The following CSMD1 variants were observed in gnomAD, a reference collection of about 807,000 sequenced individuals.
CSMD1 encodes the protein CUB and Sushi multiple domains 1.
A neutral mutation model predicts 417.5 loss-of-function variants in CSMD1; 213 were observed. The ratio of observed to expected loss-of-function variants is 0.51; its 90% CI spans 0.46 to 0.57. The LOEUF is 0.57. CSMD1 is among the 20% of genes least tolerant of loss of function. CSMD1 has a pLI of 0.00. For missense variants in CSMD1, 6,923 were observed against 4,529.7 expected, an observed-to-expected ratio of 1.53 and a Z score of -15.17; for synonymous variants, 2,862 against 1,736.8, an observed-to-expected ratio of 1.65 and a Z score of -16.11.
At chr8:3,400,716 A>C (rs1266822411) in intron 15 of CSMD1, among the ~76,000 whole-genome samples, 1 of 151,874 alleles carries the variant, frequency 6.6e-6, no homozygotes, top group East Asian at 1.9e-4. Context: ...TAAAAGAAAA[A>C]TTTTATTCAG....
chr8:3,744,670 C>T (rs2129051360), intron 6 of CSMD1, among the ~76,000 whole-genome samples: 1 of 152,240 alleles, frequency 6.6e-6, no homozygotes, highest in Non-Finnish European at 1.5e-5. Context: ...ACAAGCGATG[C>T]CTACAGACAG....
chr8:3,485,150 G>A (rs950714929), intron 11 of CSMD1, among the ~76,000 whole-genome samples: 17 of 152,108 alleles, frequency 1.1e-4, no homozygotes, highest in Non-Finnish European at 2.2e-4. Context: ...TCAAATACTA[G>A]AAGCAATCCA....
At chr8:3,527,740 G>C (rs566117078) in intron 10 of CSMD1, among the ~76,000 whole-genome samples, 1 of 152,256 alleles carries the variant, frequency 6.6e-6, no homozygotes, top group South Asian at 2.1e-4. Flanking sequence ...GTGAAACGAA[G>C]ACAGGACTTC....
At chr8:4,518,753 C>G (rs1803264658) in intron 2 of CSMD1, among the ~76,000 whole-genome samples, 1 of 150,886 alleles carries the variant, frequency 6.6e-6, no homozygotes, top group African/African-American at 2.4e-5. Flanking sequence ...TACCCTAAAA[C>G]TTAAATTATA....
intron 26 of CSMD1, chr8:3,279,023 T>A (rs1802524428): frequency 6.6e-6 from 1 of 152,110 alleles, no homozygotes; most frequent in African/African-American, 2.4e-5. Context: ...AGTCAAATGT[T>A]TATCAGGTTC....
At chr8:3,384,498 G>T (rs572602755) in intron 18 of CSMD1, among the ~76,000 whole-genome samples, 7 of 150,604 alleles carry the variant, frequency 4.6e-5, no homozygotes, top group Non-Finnish European at 1.0e-4. Flanking sequence ...CACATTGTTC[G>T]GTTTATCATT....
intron 41 of CSMD1, among the ~76,000 whole-genome samples, chr8:3,122,767 G>A (rs1817281500): frequency 6.6e-6 from 1 of 152,182 alleles, no homozygotes; most frequent in Non-Finnish European, 1.5e-5. Context: ...CCAGCCATGT[G>A]GAACTGTAAG....
At chr8:3,477,664 G>A (rs555879889) in intron 11 of CSMD1, among the ~76,000 whole-genome samples, 1 of 152,176 alleles carries the variant, frequency 6.6e-6, no homozygotes, top group African/African-American at 2.4e-5. Context: ...AGAGGAAGAA[G>A]TCAACTCAGT....
intron 10 of CSMD1, among the ~76,000 whole-genome samples, chr8:3,494,867 G>A (rs1350183593): frequency 6.6e-6 from 1 of 152,156 alleles, no homozygotes; most frequent in Non-Finnish European, 1.5e-5. Context: ...TCAAATGCCT[G>A]TTTGTTAAGC....
chr8:4,850,357 T>C (rs1009635880), intron 1 of CSMD1, among the ~76,000 whole-genome samples: 26 of 151,708 alleles, frequency 1.7e-4, no homozygotes, highest in African/African-American at 5.8e-4. Flanking sequence ...AATAAATGTT[T>C]TTATTTTGAT....
chr8:4,899,121 G>C (rs185422981), intron 1 of CSMD1, among the ~76,000 whole-genome samples: 4 of 152,148 alleles, frequency 2.6e-5, no homozygotes, highest in African/African-American at 4.8e-5. Flanking sequence ...TGGTAATTTG[G>C]TTATACACGT....
intron 5 of CSMD1, among the ~76,000 whole-genome samples, chr8:3,790,937 C>A (rs543497797): frequency 6.6e-6 from 1 of 152,202 alleles, no homozygotes; most frequent in Admixed American, 6.5e-5. Context: ...ACAGATGACA[C>A]CTGTCATTTT....
chr8:3,307,556 A>C, intron 25 of CSMD1, 139 bp downstream of exon 25: 1 of 1,017,408 alleles, frequency 9.8e-7, no homozygotes, highest in East Asian at 2.6e-5. Flanking sequence ...AGCCAACAAA[A>C]CTTTTAGCTA....
At chr8:4,193,130 G>T (rs1799126273) in intron 3 of CSMD1, among the ~76,000 whole-genome samples, 1 of 152,054 alleles carries the variant, frequency 6.6e-6, no homozygotes. Context: ...GAGCTTTCAG[G>T]AAAGACATCT....
At chr8:4,707,610 G>A (rs911963732) in intron 1 of CSMD1, among the ~76,000 whole-genome samples, 3 of 152,056 alleles carry the variant, frequency 2.0e-5, no homozygotes, top group Admixed American at 2.0e-4. Context: ...GAAAGAGCCA[G>A]CCATGATGGC....
intron 4 of CSMD1, among the ~76,000 whole-genome samples, chr8:4,030,851 A>G (rs189369722): frequency 8.1e-4 from 124 of 152,304 alleles, no homozygotes; most frequent in African/African-American, 2.8e-3. Context: ...TGCTGCTTAG[A>G]AATTTATTCC....
intron 5 of CSMD1, among the ~76,000 whole-genome samples, chr8:3,947,064 C>T (rs1811277135): frequency 6.6e-6 from 1 of 152,122 alleles, no homozygotes; most frequent in African/African-American, 2.4e-5. Flanking sequence ...AACTTCATTA[C>T]ATGTTGAATA....
intron 3 of CSMD1, among the ~76,000 whole-genome samples, chr8:4,153,202 G>T (rs986867365): frequency 1.3e-5 from 2 of 152,148 alleles, no homozygotes; most frequent in Admixed American, 6.5e-5. Flanking sequence ...CTGCTTTGCC[G>T]CTAACTCAGC....
At position 3,408,068 on chromosome 8, in the gene CSMD1, C is replaced by A. The variant is rs10088378; in HGVS notation, c.1902G>T (p.Gln634His). ...LIFNDFDVEP[Q>H]FDFLAVKDDG... The stretch of plus-strand genomic sequence containing the variant: ...CATCCTTGACCGCGAGAAAGTCAAA[C>A]TGAGGCTCAACATCAAAATCATTAA... Residue 634 changes from glutamine to histidine, a missense_variant, in exon 14 of 70, where the codon CAG (glutamine) becomes CAT (histidine). By Grantham distance (24) the Gln-to-His change is conservative. Transcript: ENST00000635120. 37 of 1,613,460 alleles carry A rather than the reference C, an allele frequency of 2.3e-5. No individual in the cohort carries two copies. The highest frequency in any genetic ancestry group is 3.1e-5 in the Non-Finnish European group (37 of 1,179,798).
Sources: gnomAD v4.1 joint callset for allele counts (sites outside exome capture counted in the v4.1 genomes callset) on GRCh38, gnomAD v4.1.1 for gene constraint, MANE v1.5 for transcripts, NCBI Gene and HGNC (gene_info 2026-07-23, HGNC 2026-07-21) for gene names.